CSMD1: variants seen among roughly 807,000 people sequenced by gnomAD.
CSMD1 encodes CUB and sushi domain-containing protein 1.
Under a neutral mutation model 417.5 loss-of-function variants are expected in CSMD1, and 213 were observed. That is an observed-to-expected ratio of 0.51 (90% CI 0.46 to 0.57). The LOEUF (loss-of-function observed/expected upper bound fraction) is 0.57. CSMD1 is among the 20% of genes least tolerant of loss of function. The pLI, the probability that CSMD1 is intolerant of heterozygous loss-of-function variation, is 0.00. For missense variants in CSMD1, 6,923 were observed against 4,529.7 expected, an observed-to-expected ratio of 1.53 and a Z score of -15.17; for synonymous variants, 2,862 against 1,736.8, an observed-to-expected ratio of 1.65 and a Z score of -16.11.
chr8:3,010,697 T>G (rs1264877144), intron 52 of CSMD1, among the ~76,000 whole-genome samples: 1 of 152,012 alleles, frequency 6.6e-6, no homozygotes, highest in African/African-American at 2.4e-5. Flanking sequence ...CACCTGGATT[T>G]CTCAAGTAAT....
chr8:4,125,297 T>A (rs577658479), intron 3 of CSMD1, among the ~76,000 whole-genome samples: 1 of 152,214 alleles, frequency 6.6e-6, no homozygotes, highest in Admixed American at 6.5e-5. Context: ...CGAATCTGAC[T>A]GGCTTCTTTG....
rs150420417 is a variant in CSMD1, at chr8:4,188,627, C to T, written c.416-156528G>A. On this transcript the variant is annotated intron_variant, in intron 3 of 69. Coordinates refer to ENST00000635120, the MANE Select transcript of CSMD1 (RefSeq NM_033225.6). ...CTTAAGATTCTGTGAGTAAGATTCC[C>T]GCCTTTTATCTATCGGAAAAATGAA... Among the ~76,000 whole-genome samples the T allele has an allele frequency of 1.7e-3, 256 of 152,164 alleles. 2 individuals carry two copies. Among genetic ancestry groups the T allele is most frequent in the African/African-American group, 6.0e-3 (249 of 41,516 alleles).
In CSMD1 at chr8:3,118,555, G is replaced by A; in HGVS notation, c.6274C>T (p.Pro2092Ser). The A allele has an allele frequency of 4.3e-6, 7 of 1,613,906 alleles. No individual in the cohort carries two copies. Among genetic ancestry groups the A allele is most frequent in the Non-Finnish European group, 5.9e-6 (7 of 1,179,854 alleles). ...YELQNCPDPPPFQNGYMINSD... is the reference protein window; with the variant it reads ...YELQNCPDPPSFQNGYMINSD... ...TTGATCATGTACCCATTCTGAAATG[G>A]GGGTGGATCTGGACAGTTCTGTAAT... The change falls in exon 42 of 70, where the codon CCA becomes TCA. Residue 2092 changes from proline (P) to serine (S), a missense_variant. Coordinates refer to ENST00000635120, the MANE Select transcript of CSMD1 (RefSeq NM_033225.6).
intron 5 of CSMD1, among the ~76,000 whole-genome samples, chr8:3,968,195 A>G (rs1386057859): frequency 2.6e-5 from 4 of 151,416 alleles, no homozygotes; most frequent in Non-Finnish European, 5.9e-5. Context: ...TCAAATAATA[A>G]TAATAATAAT....
chr8:4,128,168 G>A (rs992340922), intron 3 of CSMD1, among the ~76,000 whole-genome samples: 3 of 152,060 alleles, frequency 2.0e-5, no homozygotes, highest in Non-Finnish European at 4.4e-5. Flanking sequence ...TGCACTCTTG[G>A]TCGGGGACCC....
At chr8:3,790,278 A>C (rs933751067) in intron 5 of CSMD1, among the ~76,000 whole-genome samples, 1 of 152,226 alleles carries the variant, frequency 6.6e-6, no homozygotes, top group African/African-American at 2.4e-5. Flanking sequence ...AATAACAGAA[A>C]ACAAGATGAA....
chr8:4,982,159 C>A (rs969856652), intron 1 of CSMD1, among the ~76,000 whole-genome samples: 1 of 152,148 alleles, frequency 6.6e-6, no homozygotes, highest in East Asian at 1.9e-4. Context: ...AAGCAGAGAC[C>A]CAGCTAAGCT....
chr8:3,703,975 A>T (rs1801018656), intron 7 of CSMD1, among the ~76,000 whole-genome samples: 1 of 152,104 alleles, frequency 6.6e-6, no homozygotes, highest in Admixed American at 6.6e-5. Context: ...GGAGGCTGAG[A>T]CAGGAGAATC....
chr8:3,884,531 C>T (rs548231379), intron 5 of CSMD1, among the ~76,000 whole-genome samples: 1 of 152,280 alleles, frequency 6.6e-6, no homozygotes, highest in East Asian at 1.9e-4. Context: ...CCCAACACTG[C>T]AGTCACTCAG....
chr8:4,329,769 C>A (rs1204924308), intron 3 of CSMD1, among the ~76,000 whole-genome samples: 2 of 151,960 alleles, frequency 1.3e-5, no homozygotes, highest in East Asian at 3.9e-4. Flanking sequence ...CTTGGGCCAT[C>A]CCCTTGGTGA....
chr8:4,049,944 C>T (rs903726730), intron 3 of CSMD1, among the ~76,000 whole-genome samples: 7 of 152,166 alleles, frequency 4.6e-5, no homozygotes, highest in African/African-American at 1.7e-4. Flanking sequence ...CGTTTACGTG[C>T]CGTTCCTCTT....
chr8:3,910,825 A>G (rs1009564733), intron 5 of CSMD1, among the ~76,000 whole-genome samples: 1 of 152,206 alleles, frequency 6.6e-6, no homozygotes, highest in African/African-American at 2.4e-5. Context: ...TGCATGCTAC[A>G]GGCCAAATCT....
chr8:4,976,452 A>G (rs1201108716), intron 1 of CSMD1, among the ~76,000 whole-genome samples: 1 of 152,202 alleles, frequency 6.6e-6, no homozygotes, highest in Non-Finnish European at 1.5e-5. Flanking sequence ...ATTTTGACAA[A>G]AAATACAAAA....
intron 26 of CSMD1, among the ~76,000 whole-genome samples, chr8:3,273,985 G>A (rs1317521698): frequency 1.3e-5 from 2 of 151,168 alleles, no homozygotes; most frequent in African/African-American, 4.9e-5. Flanking sequence ...GAATGTGTTT[G>A]CTCTTGCTTT....
intron 3 of CSMD1, among the ~76,000 whole-genome samples, chr8:4,301,280 A>G (rs747121324): frequency 6.6e-6 from 1 of 152,216 alleles, no homozygotes; most frequent in Non-Finnish European, 1.5e-5. Context: ...AAAGTCAACA[A>G]GCAAAATGCC....
intron 3 of CSMD1, among the ~76,000 whole-genome samples, chr8:4,294,885 G>C (rs1029477868): frequency 6.6e-6 from 1 of 151,750 alleles, no homozygotes; most frequent in Non-Finnish European, 1.5e-5. Flanking sequence ...TTTAGTAGCT[G>C]TCAATGTGTA....
At chr8:4,855,637 T>A (rs148542103) in intron 1 of CSMD1, among the ~76,000 whole-genome samples, 1,570 of 152,168 alleles carry the variant, frequency 0.01, 15 homozygotes, top group Non-Finnish European at 0.016. Context: ...CTGGAGCCAA[T>A]GCAATCAACT....
intron 3 of CSMD1, among the ~76,000 whole-genome samples, chr8:4,063,314 A>T (rs955817634): frequency 2.6e-5 from 4 of 152,156 alleles, no homozygotes; most frequent in Non-Finnish European, 5.9e-5. Flanking sequence ...ACAATGTAAA[A>T]AATAATTTAA....
chr8:3,808,094 C>T (rs1018862003), intron 5 of CSMD1, among the ~76,000 whole-genome samples: 1 of 152,062 alleles, frequency 6.6e-6, no homozygotes, highest in African/African-American at 2.4e-5. Context: ...TTATAGAAGA[C>T]CTGTTCACCC....
Sources: gnomAD v4.1 joint callset for allele counts (sites outside exome capture counted in the v4.1 genomes callset) on GRCh38, gnomAD v4.1.1 for gene constraint, MANE v1.5 for transcripts, NCBI Gene and HGNC (gene_info 2026-07-23, HGNC 2026-07-21) for gene names.